The following EPB41L2 variants were observed in gnomAD, a reference collection of about 807,000 sequenced individuals.
EPB41L2 encodes band 4.1-like protein 2.
EPB41L2 carries 43 observed loss-of-function variants against 113.0 expected under a neutral mutation model. That is an observed-to-expected ratio of 0.38 (90% CI 0.30 to 0.49). EPB41L2 has a LOEUF of 0.49. EPB41L2 is among the 20% of genes least tolerant of loss of function. EPB41L2 has a pLI of 0.95. For synonymous variants in EPB41L2, 442 were observed against 436.7 expected (o/e 1.01, Z -0.15); for missense variants, 1,147 against 1,223.4 (o/e 0.94, Z 0.93).
intron 14 of EPB41L2, among the ~76,000 whole-genome samples, chr6:130,874,582 T>C (rs562927616): frequency 2.0e-5 from 3 of 152,274 alleles, no homozygotes; most frequent in East Asian, 1.9e-4. Flanking sequence ...GGTCAATAAA[T>C]GTTTGTTGGG....
At chr6:130,970,584 A>C (rs1188409395) in intron 1 of EPB41L2, 3 of 152,218 alleles carry the variant, frequency 2.0e-5, no homozygotes, top group Non-Finnish European at 4.4e-5. Context: ...CTGTAATTCT[A>C]TAATTTTTAT....
intron 4 of EPB41L2, among the ~76,000 whole-genome samples, chr6:130,916,250 C>T (rs937703503): frequency 6.6e-6 from 1 of 152,100 alleles, no homozygotes; most frequent in African/African-American, 2.4e-5. Flanking sequence ...GTATTTTACA[C>T]TAAAATCTTT....
intron 3 of EPB41L2, among the ~76,000 whole-genome samples, chr6:130,929,892 CACACAT>C (rs201728746): frequency 0.04 from 4,964 of 124,852 alleles, 428 homozygotes; most frequent in East Asian, 0.39. Context: ...CACACACACA[CACACAT>C]ACACGCACAG....
chr6:131,057,454 G>A (rs1797811461), intron 1 of EPB41L2, among the ~76,000 whole-genome samples: 1 of 152,158 alleles, frequency 6.6e-6, no homozygotes, highest in South Asian at 2.1e-4. Context: ...AAGAATTATG[G>A]CAGAGTGTAA....
In EPB41L2 at chr6:131,051,438, T is replaced by C. The variant is rs557744215; in HGVS notation, c.-15+11717A>G. Among the ~76,000 whole-genome samples, 7 of 87,368 alleles carry C rather than the reference T, an allele frequency of 8.0e-5. No homozygotes were observed. In the East Asian group the frequency reaches 1.6e-3, roughly 19 times the overall value. 57.3% of individuals were successfully genotyped at this position (87,368 alleles called of 152,430 possible). On this transcript the variant is annotated intron_variant, in intron 1 of 19. Coordinates refer to ENST00000337057, the MANE Select transcript of EPB41L2 (RefSeq NM_001431.4). ...AAAAGTTTTCTTACAAGGAACAAAT[T>C]CACAAAAGTAAAGCAAAAAAAAAAA...
intron 1 of EPB41L2, among the ~76,000 whole-genome samples, chr6:130,971,675 G>C (rs938222619): frequency 2.6e-5 from 4 of 152,180 alleles, no homozygotes; most frequent in Admixed American, 2.6e-4. Context: ...GAAAACTTAT[G>C]AATCGCTTGT....
intron 1 of EPB41L2, among the ~76,000 whole-genome samples, chr6:130,982,214 G>A (rs759636671): frequency 6.6e-6 from 1 of 151,862 alleles, no homozygotes; most frequent in East Asian, 1.9e-4. Flanking sequence ...CAATACTGTA[G>A]TTTTGACTAT....
intron 15 of EPB41L2, chr6:130,867,937 GACACACACACACAC>G (rs58752395): frequency 1.1e-5 from 2 of 179,168 alleles, no homozygotes; most frequent in East Asian, 1.6e-4. Context: ...AGTGTATAGT[GACACACACACACAC>G]ACACACACAC....
intron 3 of EPB41L2, among the ~76,000 whole-genome samples, chr6:130,936,732 C>T (rs1808940462): frequency 6.6e-6 from 1 of 152,136 alleles, no homozygotes; most frequent in African/African-American, 2.4e-5. Context: ...TAATATTTAT[C>T]AAGCCCTTAC....
chr6:130,940,419 G>T (rs1810409381), intron 3 of EPB41L2, among the ~76,000 whole-genome samples: 1 of 151,496 alleles, frequency 6.6e-6, no homozygotes, highest in South Asian at 2.1e-4. Context: ...AATGAAAAAT[G>T]TAATAGGTTA....
At chr6:130,858,792 G>T (rs6569708) in intron 18 of EPB41L2, among the ~76,000 whole-genome samples, 49,081 of 152,176 alleles carry the variant, frequency 0.32, 8,525 homozygotes, top group East Asian at 0.45. Flanking sequence ...CTAAAAGACT[G>T]CAGGAAAGAT....
chr6:130,897,217 T>C (rs562996235), intron 8 of EPB41L2, among the ~76,000 whole-genome samples: 3 of 152,024 alleles, frequency 2.0e-5, no homozygotes, highest in South Asian at 4.2e-4. Flanking sequence ...TTACAAACTC[T>C]TCTAATTAAA....
intron 1 of EPB41L2, among the ~76,000 whole-genome samples, chr6:130,976,934 G>A (rs1014763183): frequency 1.3e-5 from 2 of 152,204 alleles, no homozygotes; most frequent in Non-Finnish European, 2.9e-5. Context: ...TAGCAGGCAA[G>A]TCAGACACAT....
chr6:130,899,237 G>C (rs1260220316), intron 8 of EPB41L2, among the ~76,000 whole-genome samples: 5 of 152,054 alleles, frequency 3.3e-5, no homozygotes, highest in African/African-American at 1.2e-4. Flanking sequence ...GGCTGACAAG[G>C]TGTGTCATAG....
intron 1 of EPB41L2, among the ~76,000 whole-genome samples, chr6:131,002,535 C>T (rs935136236): frequency 1.3e-5 from 2 of 152,138 alleles, no homozygotes; most frequent in Non-Finnish European, 2.9e-5. Context: ...TACACAGCTA[C>T]GAATTCCTAC....
At chr6:131,031,337 G>T (rs190605569) in intron 1 of EPB41L2, among the ~76,000 whole-genome samples, 161 of 151,910 alleles carry the variant, frequency 1.1e-3, no homozygotes, top group Non-Finnish European at 1.9e-3. Context: ...AGCTATAAGT[G>T]ATAACAATGA....
At chr6:130,911,739 GA>G (rs1799469705) in intron 4 of EPB41L2, among the ~76,000 whole-genome samples, 1 of 152,164 alleles carries the variant, frequency 6.6e-6, no homozygotes, top group African/African-American at 2.4e-5. Context: ...AAAAAATTTA[GA>G]TTTTTTTGTT....
At chr6:130,958,074 C>T (rs1818056483) in intron 1 of EPB41L2, among the ~76,000 whole-genome samples, 1 of 152,118 alleles carries the variant, frequency 6.6e-6, no homozygotes, top group Non-Finnish European at 1.5e-5. Context: ...TTCATGGGCA[C>T]ATGAATAAAG....
intron 1 of EPB41L2, among the ~76,000 whole-genome samples, chr6:131,037,745 C>T (rs182182162): frequency 1.4e-4 from 21 of 152,148 alleles, no homozygotes; most frequent in Middle Eastern, 6.8e-3. Flanking sequence ...TGCGTCACCA[C>T]GCCTGACTAG....
Sources: allele counts gnomAD v4.1 joint callset (sites outside exome capture counted in the v4.1 genomes callset), GRCh38; gene constraint gnomAD v4.1.1; transcripts MANE v1.5; gene names NCBI Gene and HGNC (gene_info 2026-07-23, HGNC 2026-07-21).